FOXP2: variants seen among roughly 807,000 people sequenced by gnomAD.
The protein encoded by FOXP2 is forkhead box P2, also known as forkhead box protein P2.
A neutral mutation model predicts 115.8 loss-of-function variants in FOXP2; 12 were observed. The observed-to-expected ratio is 0.10, with a 90% CI of 0.07 to 0.17. FOXP2 has a LOEUF of 0.17. Ranked by LOEUF, FOXP2 falls within the 10% of genes least tolerant of loss-of-function variation. The pLI is 1.00. For missense variants in FOXP2, 629 were observed against 843.5 expected (o/e 0.75, Z 3.15); for synonymous variants, 328 against 297.7 (o/e 1.10, Z -1.05).
In FOXP2 at chr7:114,664,423, C is replaced by A; in HGVS notation, c.1990C>A (p.Pro664Thr). ...SNGNSSPGCS[P>T]QPHIHSIHVK... Reference sequence around the variant, plus strand: ...TGGAAACAGTAGTCCGGGCTGCTCACCTCAGCCGCACATGTAAGTGTGGTT... The same window carrying A: ...TGGAAACAGTAGTCCGGGCTGCTCAACTCAGCCGCACATGTAAGTGTGGTT... Residue 664 changes from proline to threonine, a missense_variant, in exon 16 of 17, where the codon CCT becomes ACT. Coordinates refer to ENST00000350908, the MANE Select transcript of FOXP2 (RefSeq NM_014491.4). The A allele has an allele frequency of 6.2e-7, 1 of 1,613,396 alleles. No homozygotes were observed. The highest frequency in any genetic ancestry group is 1.1e-5 in the South Asian group (1 of 91,084).
chr7:114,497,164 C>G (rs1189249275), intron 2 of FOXP2, among the ~76,000 whole-genome samples: 1 of 152,190 alleles, frequency 6.6e-6, no homozygotes, highest in African/African-American at 2.4e-5. Context: ...TACTGACACA[C>G]TCATAGTAAA....
At chr7:114,251,670 C>G (rs1308648204) in intron 1 of FOXP2, among the ~76,000 whole-genome samples, 1 of 152,198 alleles carries the variant, frequency 6.6e-6, no homozygotes, top group Non-Finnish European at 1.5e-5. Context: ...AGTTGCTTAT[C>G]AGCTTAAGGA....
At chr7:114,378,304 C>A (rs376009577) in intron 2 of FOXP2, among the ~76,000 whole-genome samples, 1 of 152,088 alleles carries the variant, frequency 6.6e-6, no homozygotes, top group Non-Finnish European at 1.5e-5. Flanking sequence ...ATTGCTAAAT[C>A]TTGACTAATT....
intron 2 of FOXP2, among the ~76,000 whole-genome samples, chr7:114,491,041 A>C (rs1292657780): frequency 1.3e-5 from 2 of 152,230 alleles, no homozygotes. Flanking sequence ...TGGCTGGGCC[A>C]AATGGTATTT....
intron 1 of FOXP2, among the ~76,000 whole-genome samples, chr7:114,420,867 T>A (rs1035845567): frequency 2.0e-5 from 3 of 151,812 alleles, no homozygotes; most frequent in Non-Finnish European, 2.9e-5. Flanking sequence ...CAATTTAGCA[T>A]GTACCTTGAA....
At chr7:114,270,734 G>T (rs762504745) in intron 1 of FOXP2, among the ~76,000 whole-genome samples, 43 of 152,036 alleles carry the variant, frequency 2.8e-4, no homozygotes, top group Middle Eastern at 3.4e-3. Flanking sequence ...TGTGTCTGTT[G>T]CACATATTTT....
At chr7:114,447,364 C>A (rs1452968161) in intron 2 of FOXP2, among the ~76,000 whole-genome samples, 1 of 152,036 alleles carries the variant, frequency 6.6e-6, no homozygotes, top group East Asian at 1.9e-4. Flanking sequence ...CCAGAAGATA[C>A]TTCGCACCCT....
At chr7:114,157,788 A>C (rs1462277429) in intron 1 of FOXP2, among the ~76,000 whole-genome samples, 1 of 152,108 alleles carries the variant, frequency 6.6e-6, no homozygotes, top group Admixed American at 6.6e-5. Context: ...TATGTCTGGC[A>C]TATTCTGTAA....
chr7:114,446,830 C>A (rs926845027), intron 2 of FOXP2, among the ~76,000 whole-genome samples: 3 of 151,426 alleles, frequency 2.0e-5, no homozygotes, highest in Non-Finnish European at 2.9e-5. Context: ...CTCACTGCAG[C>A]CTCCACCTCC....
chr7:114,435,852 A>G (rs1342599584), intron 2 of FOXP2, among the ~76,000 whole-genome samples: 1 of 152,092 alleles, frequency 6.6e-6, no homozygotes, highest in African/African-American at 2.4e-5. Context: ...AGAAGTTTTG[A>G]CTTTCATTCT....
intron 1 of FOXP2, among the ~76,000 whole-genome samples, chr7:114,211,501 C>T (rs1794349749): frequency 6.6e-6 from 1 of 152,184 alleles, no homozygotes; most frequent in African/African-American, 2.4e-5. Context: ...CTGGGTTGAG[C>T]TGTTTGCCTA....
chr7:114,502,220 T>C (rs760170236), intron 2 of FOXP2, among the ~76,000 whole-genome samples: 6 of 152,114 alleles, frequency 3.9e-5, no homozygotes, highest in Non-Finnish European at 7.4e-5. Context: ...TTAAGCCTTA[T>C]ATTAAAAAGG....
intron 1 of FOXP2, among the ~76,000 whole-genome samples, chr7:114,278,046 AAAG>A (rs1411360274): frequency 6.6e-6 from 1 of 150,702 alleles, no homozygotes; most frequent in Non-Finnish European, 1.5e-5. Context: ...AAAAAAAAAA[AAAG>A]AATTCATCCG....
At chr7:114,130,158 T>C (rs1791831940) in intron 1 of FOXP2, among the ~76,000 whole-genome samples, 1 of 151,788 alleles carries the variant, frequency 6.6e-6, no homozygotes, top group African/African-American at 2.4e-5. Flanking sequence ...TACCAAAAAA[T>C]AAAAATAAAA....
At chr7:114,125,641 T>C (rs1275260186) in intron 1 of FOXP2, among the ~76,000 whole-genome samples, 1 of 152,124 alleles carries the variant, frequency 6.6e-6, no homozygotes, top group Non-Finnish European at 1.5e-5. Flanking sequence ...GATGTTGCTG[T>C]AGAGTACAAA....
intron 10 of FOXP2, among the ~76,000 whole-genome samples, chr7:114,655,273 TC>T (rs1276424631): frequency 4.6e-5 from 7 of 152,160 alleles, no homozygotes; most frequent in Non-Finnish European, 8.8e-5. Context: ...TGCAGCTTGT[TC>T]TTTTCCAATT....
chr7:114,374,300 T>A (rs1792087795), intron 2 of FOXP2, among the ~76,000 whole-genome samples: 1 of 152,224 alleles, frequency 6.6e-6, no homozygotes, highest in Admixed American at 6.5e-5. Context: ...TTTGTTGTGA[T>A]TTTTAATTTG....
chr7:114,674,043 T>A (rs1807632806), intron 16 of FOXP2, among the ~76,000 whole-genome samples: 1 of 152,122 alleles, frequency 6.6e-6, no homozygotes, highest in African/African-American at 2.4e-5. Context: ...AACTCCACCA[T>A]GGAATCAGAT....
intron 2 of FOXP2, among the ~76,000 whole-genome samples, chr7:114,386,098 A>G (rs951818896): frequency 6.6e-6 from 1 of 152,224 alleles, no homozygotes; most frequent in Non-Finnish European, 1.5e-5. Flanking sequence ...TCGCCGTATC[A>G]GGAGCTCAGC....
Sources: gnomAD v4.1 joint callset for allele counts (sites outside exome capture counted in the v4.1 genomes callset) on GRCh38, gnomAD v4.1.1 for gene constraint, MANE v1.5 for transcripts, NCBI Gene and HGNC (gene_info 2026-07-23, HGNC 2026-07-21) for gene names.